NEO1: variants seen among roughly 807,000 people sequenced by gnomAD.
NEO1 encodes neogenin.
A neutral mutation model predicts 159.7 loss-of-function variants in NEO1; 63 were observed. The ratio of observed to expected loss-of-function variants is 0.39; its 90% CI spans 0.32 to 0.49. The LOEUF is 0.49. NEO1 is among the 20% of genes least tolerant of loss of function. The pLI, the probability that NEO1 is intolerant of heterozygous loss-of-function variation, is 0.85. For missense variants in NEO1, 1,615 were observed against 1,831.0 expected (o/e 0.88, Z 2.15); for synonymous variants, 633 against 662.0 (o/e 0.96, Z 0.67).
intron 13 of NEO1, among the ~76,000 whole-genome samples, chr15:73,256,931 A>G (rs1334534746): frequency 2.0e-5 from 3 of 152,020 alleles, no homozygotes; most frequent in Non-Finnish European, 2.9e-5. Flanking sequence ...TCTACAAAAA[A>G]TACAAAAACT....
In NEO1 at chr15:73,302,998, A is replaced by G. The variant is rs113529962; in HGVS notation, c.*302A>G. On this transcript the variant is annotated 3_prime_UTR_variant, in exon 29 of 29. Transcript: ENST00000261908. ...AGGCGAGAAGTGCAACCTGCATTTC[A>G]CTTTGTGGTCAGGCCGTGTCTTTGT... The G allele has an allele frequency of 3.2e-3, 1,019 of 322,312 alleles. 4 individuals carry two copies. The highest frequency in any genetic ancestry group is 0.017 in the East Asian group (305 of 17,538). 20.0% of individuals were successfully genotyped at this position (322,312 alleles called of 1,614,324 possible).
At chr15:73,112,171 G>A (rs2071033813) in intron 1 of NEO1, among the ~76,000 whole-genome samples, 1 of 151,836 alleles carries the variant, frequency 6.6e-6, no homozygotes, top group Non-Finnish European at 1.5e-5. Flanking sequence ...TCACAGAACT[G>A]ATTCTACATC....
chr15:73,297,240 G>C (rs2042409700), intron 26 of NEO1, among the ~76,000 whole-genome samples: 1 of 152,212 alleles, frequency 6.6e-6, no homozygotes, highest in Non-Finnish European at 1.5e-5. Context: ...GTGGAAGTCG[G>C]AAGGCAGGGA....
chr15:73,267,784 A>G (rs560719411), intron 16 of NEO1, among the ~76,000 whole-genome samples: 5 of 152,158 alleles, frequency 3.3e-5, no homozygotes, highest in South Asian at 2.1e-4. Flanking sequence ...AATCCAGTCT[A>G]TCATTATTGG....
At chr15:73,241,257 G>T (rs1041855018) in intron 8 of NEO1, among the ~76,000 whole-genome samples, 2 of 152,176 alleles carry the variant, frequency 1.3e-5, no homozygotes, top group African/African-American at 4.8e-5. Context: ...GCTATTCATA[G>T]CACTTTAAAG....
chr15:73,119,908 G>A (rs1343659114), intron 2 of NEO1, among the ~76,000 whole-genome samples: 2 of 152,184 alleles, frequency 1.3e-5, no homozygotes, highest in South Asian at 2.1e-4. Context: ...AGGCCAAGAC[G>A]GGCGGATCAC....
chr15:73,275,581 G>A (rs1164883538), intron 21 of NEO1, among the ~76,000 whole-genome samples: 1 of 152,084 alleles, frequency 6.6e-6, no homozygotes, highest in African/African-American at 2.4e-5. Flanking sequence ...TTTGAGCCTG[G>A]GAGGTGGAGG....
At chr15:73,121,430 G>A (rs999095725) in intron 2 of NEO1, among the ~76,000 whole-genome samples, 1 of 152,160 alleles carries the variant, frequency 6.6e-6, no homozygotes, top group African/African-American at 2.4e-5. Flanking sequence ...CAAGAAGCAT[G>A]TGATATTTTG....
intron 15 of NEO1, among the ~76,000 whole-genome samples, chr15:73,265,184 A>T (rs2040829699): frequency 6.6e-6 from 1 of 152,162 alleles, no homozygotes. Flanking sequence ...GGAGAAGACA[A>T]GTAGTAGATT....
At chr15:73,173,456 C>A (rs918854766) in intron 5 of NEO1, among the ~76,000 whole-genome samples, 2 of 152,150 alleles carry the variant, frequency 1.3e-5, no homozygotes, top group Non-Finnish European at 2.9e-5. Flanking sequence ...TCTTTCAAAT[C>A]TGTCATTCTT....
At chr15:73,195,763 C>T (rs1394070988) in intron 7 of NEO1, among the ~76,000 whole-genome samples, 1 of 152,064 alleles carries the variant, frequency 6.6e-6, no homozygotes, top group Non-Finnish European at 1.5e-5. Flanking sequence ...TGATTTTTTC[C>T]TAATTTTAGA....
chr15:73,179,016 A>T (rs1386148513), intron 7 of NEO1, among the ~76,000 whole-genome samples: 1 of 152,192 alleles, frequency 6.6e-6, no homozygotes, highest in Non-Finnish European at 1.5e-5. Context: ...GTTTTTCCAG[A>T]ATACAATTAA....
chr15:73,067,443 C>T (rs1253126670), intron 1 of NEO1, among the ~76,000 whole-genome samples: 1 of 146,782 alleles, frequency 6.8e-6, no homozygotes, highest in Non-Finnish European at 1.5e-5. Context: ...GACATGGATG[C>T]TTTTCTTTCT....
intron 6 of NEO1, among the ~76,000 whole-genome samples, chr15:73,177,783 C>G (rs995139025): frequency 6.6e-6 from 1 of 152,162 alleles, no homozygotes; most frequent in Admixed American, 6.5e-5. Flanking sequence ...TCAAGTGATA[C>G]TCCTGCCTCG....
chr15:73,297,182 A>C (rs550761004), intron 26 of NEO1, among the ~76,000 whole-genome samples: 1 of 152,238 alleles, frequency 6.6e-6, no homozygotes, highest in South Asian at 2.1e-4. Context: ...GGTGGGGGCA[A>C]GTGGTAGTCT....
Position 73,272,968 on chromosome 15 carries a change from CAAA to C in NEO1, c.2965+423_2965+425del, listed in dbSNP as rs56162211. Among the ~76,000 whole-genome samples, 68 of 86,594 alleles carry C rather than the reference CAAA, an allele frequency of 7.9e-4. 1 individual carries two copies. The highest frequency in any genetic ancestry group is 2.1e-3 in the African/African-American group (46 of 21,750). The allele number at this position is 86,594 out of a possible 152,430, so 56.8% of individuals were successfully genotyped here. The stretch of plus-strand genomic sequence containing the variant: ...ATTCTGCTCTTGTACCCTGAAGCCA[CAAA>C]AAAAAAAAAAAAAAAAGCCCATTAG... On this transcript the variant is annotated intron_variant, in intron 19 of 28. Coordinates refer to ENST00000261908, the MANE Select transcript of NEO1 (RefSeq NM_002499.4).
In NEO1 at chr15:73,077,657, T is replaced by C. The variant is rs142504850; in HGVS notation, c.130+24852T>C. ...GAAATAGATTCTCAGACTCATTTAT[T>C]CATTCAACAAGCATTTATTGAGCAG... On this transcript the variant is annotated intron_variant, in intron 1 of 28. Coordinates refer to ENST00000261908, the MANE Select transcript of NEO1 (RefSeq NM_002499.4). Among the ~76,000 whole-genome samples, 411 of 152,358 alleles carry C rather than the reference T, an allele frequency of 2.7e-3. 2 individuals carry two copies. The highest frequency in any genetic ancestry group is 9.5e-3 in the African/African-American group (395 of 41,584).
chr15:73,197,374 T>C (rs547614379), intron 7 of NEO1, among the ~76,000 whole-genome samples: 2 of 152,122 alleles, frequency 1.3e-5, no homozygotes, highest in Admixed American at 1.3e-4. Flanking sequence ...GAAAAAAATA[T>C]ACTTCTAAGA....
chr15:73,194,328 C>T (rs1469037889), intron 7 of NEO1, among the ~76,000 whole-genome samples: 1 of 152,042 alleles, frequency 6.6e-6, no homozygotes, highest in Non-Finnish European at 1.5e-5. Flanking sequence ...TGTATTAGTT[C>T]ATTTGCATTG....
Sources: allele counts gnomAD v4.1 joint callset (sites outside exome capture counted in the v4.1 genomes callset), GRCh38; gene constraint gnomAD v4.1.1; transcripts MANE v1.5; gene names NCBI Gene and HGNC (gene_info 2026-07-23, HGNC 2026-07-21).